RELN: variants seen among roughly 807,000 people sequenced by gnomAD.
RELN encodes the protein reelin.
A neutral mutation model predicts 427.6 loss-of-function variants in RELN; 108 were observed. The ratio of observed to expected loss-of-function variants is 0.25; its 90% CI spans 0.22 to 0.30. The LOEUF (loss-of-function observed/expected upper bound fraction) is 0.30. RELN is among the 10% of genes least tolerant of loss of function. The pLI is 1.00. For synonymous variants in RELN, 1,524 were observed against 1,513.4 expected (o/e 1.01, Z -0.16); for missense variants, 3,715 against 4,302.8 (o/e 0.86, Z 3.82).
At chr7:103,747,476 G>A (rs979222307) in intron 6 of RELN, among the ~76,000 whole-genome samples, 2 of 151,984 alleles carry the variant, frequency 1.3e-5, no homozygotes, top group African/African-American at 4.8e-5. Flanking sequence ...CAGAAATAGA[G>A]CTCATAGAGG....
chr7:103,739,706 C>G (rs1562982758), intron 6 of RELN, among the ~76,000 whole-genome samples: 1 of 152,210 alleles, frequency 6.6e-6, no homozygotes, highest in Non-Finnish European at 1.5e-5. Flanking sequence ...CTCATTCAAA[C>G]AAGTCAATCA....
rs757860282 is a variant in RELN at position 103,565,568 on chromosome 7, TG to T, written c.4937-18del. On this transcript the variant is annotated intron_variant, in intron 33 of 64. Coordinates refer to ENST00000428762, the MANE Select transcript of RELN (RefSeq NM_005045.4). ...GAGGTTTTCCTGAAAAAAAAAAATG[TG>T]TAATGGTAGCATATATGTGTGCCAT... 6.6e-5 allele frequency: 104 copies of T among 1,584,356 alleles called. No homozygotes were observed. The East Asian group carries it at 2.2e-3, about 34-fold the overall frequency.
intron 9 of RELN, among the ~76,000 whole-genome samples, chr7:103,698,621 T>G (rs1834028211): frequency 6.6e-6 from 1 of 152,146 alleles, no homozygotes; most frequent in Non-Finnish European, 1.5e-5. Context: ...CAAGTGATCC[T>G]CACTCCTCAG....
intron 1 of RELN, among the ~76,000 whole-genome samples, chr7:103,960,724 C>T (rs1796535096): frequency 6.6e-6 from 1 of 152,160 alleles, no homozygotes; most frequent in Non-Finnish European, 1.5e-5. Flanking sequence ...CATGTGCCTG[C>T]CTGTGTATGT....
intron 6 of RELN, among the ~76,000 whole-genome samples, chr7:103,740,842 C>G (rs1790626525): frequency 6.6e-6 from 1 of 152,188 alleles, no homozygotes; most frequent in Non-Finnish European, 1.5e-5. Context: ...AAATAATTCA[C>G]ATAAAGCTTT....
chr7:103,616,194 T>C (rs1013150094), intron 20 of RELN, among the ~76,000 whole-genome samples: 3 of 152,154 alleles, frequency 2.0e-5, no homozygotes, highest in Non-Finnish European at 2.9e-5. Context: ...TCTATTATTT[T>C]CAAGGGTCCC....
At chr7:103,473,041 G>C (rs190403285) in intron 64 of RELN, 133 bp from the exon 65 acceptor site, 4 of 815,654 alleles carry the variant, frequency 4.9e-6, no homozygotes, top group Middle Eastern at 2.2e-4. Context: ...GGGTTAATAG[G>C]TCATGCTCAC....
chr7:103,694,316 G>T (rs1223200772), intron 10 of RELN, among the ~76,000 whole-genome samples: 1 of 152,148 alleles, frequency 6.6e-6, no homozygotes, highest in African/African-American at 2.4e-5. Context: ...GAGTTCTAAA[G>T]TCAGTTCCTG....
intron 2 of RELN, among the ~76,000 whole-genome samples, chr7:103,902,701 G>A (rs1261238351): frequency 1.3e-5 from 2 of 152,052 alleles, no homozygotes; most frequent in East Asian, 1.9e-4. Flanking sequence ...CAGCCTACAT[G>A]TCTATTATGC....
At chr7:103,727,628 A>T (rs1008233130) in intron 7 of RELN, among the ~76,000 whole-genome samples, 4 of 152,192 alleles carry the variant, frequency 2.6e-5, no homozygotes, top group African/African-American at 7.2e-5. Context: ...CAAAATTTTT[A>T]AAAAACTGGT....
intron 64 of RELN, chr7:103,476,699 G>C (rs1251006641): frequency 2.8e-6 from 1 of 357,536 alleles, no homozygotes; most frequent in African/African-American, 2.1e-5. Flanking sequence ...AAATTGACAT[G>C]GTTACTAAAC....
chr7:103,632,428 C>T (rs148244501), intron 19 of RELN, among the ~76,000 whole-genome samples: 103 of 152,274 alleles, frequency 6.8e-4, no homozygotes, highest in African/African-American at 2.4e-3. Context: ...GATGTGAGTA[C>T]AGAGGCACAA....
chr7:103,688,802 A>G (rs897707674), intron 10 of RELN, among the ~76,000 whole-genome samples: 1 of 152,148 alleles, frequency 6.6e-6, no homozygotes, highest in Admixed American at 6.6e-5. Context: ...CAAGAGCAAC[A>G]GAAAATTAAT....
At chr7:103,742,129 C>A (rs1790679984) in intron 6 of RELN, among the ~76,000 whole-genome samples, 2 of 152,190 alleles carry the variant, frequency 1.3e-5, no homozygotes, top group South Asian at 4.1e-4. Context: ...GTTCTGCAGC[C>A]ACCGCTGCTG....
chr7:103,726,241 G>A (rs2115924286), intron 7 of RELN, among the ~76,000 whole-genome samples: 1 of 152,090 alleles, frequency 6.6e-6, no homozygotes, highest in South Asian at 2.1e-4. Flanking sequence ...TTTGCTTCAG[G>A]AACACCAATA....
intron 8 of RELN, among the ~76,000 whole-genome samples, chr7:103,704,852 G>C (rs1319930857): frequency 1.3e-5 from 2 of 152,078 alleles, no homozygotes; most frequent in Non-Finnish European, 2.9e-5. Context: ...CTACTCTCAA[G>C]CACTCAGTTG....
In RELN at chr7:103,654,114, G is replaced by A. The variant is rs746537027; in HGVS notation, c.1533C>T (p.Thr511=). 88 of 1,585,688 alleles carry A rather than the reference G, an allele frequency of 5.5e-5. No individual in the cohort carries two copies. Among genetic ancestry groups the A allele is most frequent in the Non-Finnish European group, 6.9e-5 (80 of 1,154,940 alleles). ...EGRKEHITLD[T]LSYSSYKVPS... ...GTACCTTATATGAGGAATAGGAAAGGGTATCCAGTGTTATATGCTCTTTTC... is the reference window on the plus strand; with the variant it reads ...GTACCTTATATGAGGAATAGGAAAGAGTATCCAGTGTTATATGCTCTTTTC... The change falls in exon 13 of 65, where the codon ACC becomes ACT. Residue 511 remains threonine, a synonymous_variant. Transcript: ENST00000428762.
chr7:103,648,619 C>T (rs1344235309), intron 16 of RELN, among the ~76,000 whole-genome samples: 1 of 152,056 alleles, frequency 6.6e-6, no homozygotes, highest in Non-Finnish European at 1.5e-5. Flanking sequence ...AGTTTCTGCA[C>T]AGTAAAAGAA....
chr7:103,791,508 G>A (rs1744862266), intron 3 of RELN, among the ~76,000 whole-genome samples: 5 of 152,076 alleles, frequency 3.3e-5, no homozygotes, highest in Admixed American at 1.3e-4. Flanking sequence ...AACAAATAAT[G>A]TTCAGTCAAC....
Sources: gnomAD v4.1 joint callset for allele counts (sites outside exome capture counted in the v4.1 genomes callset) on GRCh38, gnomAD v4.1.1 for gene constraint, MANE v1.5 for transcripts, NCBI Gene and HGNC (gene_info 2026-07-23, HGNC 2026-07-21) for gene names.